Variants in C8orf34 observed in about 807,000 individuals in gnomAD.
C8orf34 encodes the protein chromosome 8 open reading frame 34.
A neutral mutation model predicts 68.3 loss-of-function variants in C8orf34; 65 were observed. The observed-to-expected ratio is 0.95, with a 90% CI of 0.78 to 1.17. The LOEUF (loss-of-function observed/expected upper bound fraction) is 1.17. Ranked by LOEUF, C8orf34 falls within the 50% of genes most tolerant of loss-of-function variation. The pLI is 0.00. For synonymous variants in C8orf34, 244 were observed against 241.2 expected, an observed-to-expected ratio of 1.01 and a Z score of -0.11; for missense variants, 664 against 655.4, an observed-to-expected ratio of 1.01 and a Z score of -0.14.
chr8:68,472,754 A>G (rs1812435234), intron 4 of C8orf34, among the ~76,000 whole-genome samples: 1 of 152,212 alleles, frequency 6.6e-6, no homozygotes. Flanking sequence ...TGTTGTATTT[A>G]ACCCAATATA....
intron 1 of C8orf34, among the ~76,000 whole-genome samples, chr8:68,335,051 G>A (rs1297531997): frequency 6.6e-6 from 1 of 152,132 alleles, no homozygotes; most frequent in East Asian, 1.9e-4. Context: ...GAGCTGTAGT[G>A]TCTGCGGAGA....
At position 68,774,327 on chromosome 8, in the gene C8orf34, G is replaced by GTATATATATATA. The variant is rs1332535200; in HGVS notation, c.1405-2071_1405-2070insATATATATATAT. Among the ~76,000 whole-genome samples, 695 of 96,064 alleles carry GTATATATATATA rather than the reference G, an allele frequency of 7.2e-3. 56 individuals carry two copies. The highest frequency in any genetic ancestry group is 0.029 in the African/African-American group (619 of 21,544). 63.0% of individuals were successfully genotyped at this position (96,064 alleles called of 152,430 possible). ...TATCTATGTATAAAAATATGGGTGT[G>GTATATATATATA]TGTGTATATATATATATATATAAAA... On this transcript the variant is annotated intron_variant, in intron 10 of 13. Coordinates refer to ENST00000518698, the MANE Select transcript of C8orf34 (RefSeq NM_052958.4).
intron 1 of C8orf34, among the ~76,000 whole-genome samples, chr8:68,368,353 T>C (rs1321744404): frequency 6.6e-6 from 1 of 152,236 alleles, no homozygotes; most frequent in African/African-American, 2.4e-5. Context: ...TCTGTCTAGT[T>C]GCTATAGCTT....
At chr8:68,555,086 A>G (rs988571821) in intron 7 of C8orf34, among the ~76,000 whole-genome samples, 4 of 151,960 alleles carry the variant, frequency 2.6e-5, no homozygotes, top group Admixed American at 6.6e-5. Flanking sequence ...TTCATACCCT[A>G]TTTCCTTTCC....
chr8:68,676,387 T>C (rs1585713249), intron 8 of C8orf34, among the ~76,000 whole-genome samples: 2 of 151,800 alleles, frequency 1.3e-5, no homozygotes, highest in African/African-American at 4.8e-5. Flanking sequence ...TAAAGCAAAA[T>C]TATTAGAGCT....
chr8:68,609,839 T>C (rs1399558217), intron 7 of C8orf34, among the ~76,000 whole-genome samples: 4 of 152,132 alleles, frequency 2.6e-5, no homozygotes, highest in Non-Finnish European at 4.4e-5. Flanking sequence ...CAGCCACTAG[T>C]TTCCAGGAAG....
At chr8:68,416,678 A>G (rs1302573375) in intron 1 of C8orf34, among the ~76,000 whole-genome samples, 1 of 151,862 alleles carries the variant, frequency 6.6e-6, no homozygotes, top group East Asian at 1.9e-4. Context: ...TTACAGGTAG[A>G]TGTCACCATG....
chr8:68,455,241 C>T (rs557954553), intron 3 of C8orf34, among the ~76,000 whole-genome samples: 1 of 152,090 alleles, frequency 6.6e-6, no homozygotes, highest in Non-Finnish European at 1.5e-5. Context: ...GTTCTGTGTA[C>T]ATCTGTTAGG....
intron 7 of C8orf34, among the ~76,000 whole-genome samples, chr8:68,564,974 G>T (rs914728973): frequency 2.0e-5 from 3 of 152,092 alleles, no homozygotes; most frequent in Non-Finnish European, 4.4e-5. Context: ...TTGAGAATAG[G>T]GTGCCTGCCA....
intron 7 of C8orf34, among the ~76,000 whole-genome samples, chr8:68,548,498 C>G (rs1424758429): frequency 1.3e-5 from 2 of 151,750 alleles, no homozygotes; most frequent in East Asian, 1.9e-4. Context: ...TTCCTACCAG[C>G]TAGAATTGGT....
intron 1 of C8orf34, among the ~76,000 whole-genome samples, chr8:68,356,421 T>G (rs1296865477): frequency 6.6e-6 from 1 of 152,126 alleles, no homozygotes; most frequent in African/African-American, 2.4e-5. Context: ...ACTACTGGTA[T>G]ATTTGGGACA....
intron 4 of C8orf34, among the ~76,000 whole-genome samples, chr8:68,469,424 A>C (rs1296036127): frequency 2.6e-5 from 4 of 152,026 alleles, no homozygotes; most frequent in African/African-American, 9.7e-5. Context: ...GAAAGACATG[A>C]TTATGCCGCC....
chr8:68,457,879 T>A (rs982400121), intron 3 of C8orf34, among the ~76,000 whole-genome samples: 1 of 152,206 alleles, frequency 6.6e-6, no homozygotes, highest in East Asian at 1.9e-4. Flanking sequence ...AAAACATTTT[T>A]AAATGTTAAC....
chr8:68,716,301 A>G (rs1377524843), intron 9 of C8orf34, among the ~76,000 whole-genome samples: 1 of 152,158 alleles, frequency 6.6e-6, no homozygotes, highest in Non-Finnish European at 1.5e-5. Context: ...CTTTTCCCCA[A>G]AAACCTATTG....
chr8:68,721,291 G>C, intron 9 of C8orf34, 70 bp from the exon 10 acceptor site: 2 of 988,158 alleles, frequency 2.0e-6, no homozygotes, highest in South Asian at 2.9e-5. Flanking sequence ...TCTCACAACA[G>C]GTTTATATAT....
intron 7 of C8orf34, among the ~76,000 whole-genome samples, chr8:68,606,718 AT>A (rs989764918): frequency 1.1e-4 from 17 of 151,430 alleles, no homozygotes; most frequent in African/African-American, 3.1e-4. Context: ...TGATCACTGG[AT>A]TTTTTTTTGT....
intron 1 of C8orf34, among the ~76,000 whole-genome samples, chr8:68,370,310 C>T (rs922060737): frequency 6.6e-6 from 1 of 152,128 alleles, no homozygotes; most frequent in African/African-American, 2.4e-5. Flanking sequence ...ATTATTTTGT[C>T]TCTGTTGCCC....
intron 1 of C8orf34, among the ~76,000 whole-genome samples, chr8:68,334,485 C>G (rs1805762283): frequency 1.3e-5 from 2 of 151,314 alleles, no homozygotes; most frequent in South Asian, 4.2e-4. Context: ...TGTTTGTGTA[C>G]ACACACATTT....
At chr8:68,400,331 T>A (rs2129621220) in intron 1 of C8orf34, among the ~76,000 whole-genome samples, 1 of 152,186 alleles carries the variant, frequency 6.6e-6, no homozygotes, top group South Asian at 2.1e-4. Flanking sequence ...CCATCTAGAG[T>A]TGATTTTTGT....
Sources: gnomAD v4.1 joint callset for allele counts (sites outside exome capture counted in the v4.1 genomes callset) on GRCh38, gnomAD v4.1.1 for gene constraint, MANE v1.5 for transcripts, NCBI Gene and HGNC (gene_info 2026-07-23, HGNC 2026-07-21) for gene names.